Variants in SH3KBP1 observed in about 807,000 individuals in gnomAD.
The protein encoded by SH3KBP1 is SH3 domain containing kinase binding protein 1, also known as SH3 domain-containing kinase-binding protein 1.
SH3KBP1 carries 8 observed loss-of-function variants against 50.1 expected under a neutral mutation model. The observed-to-expected ratio is 0.16, with a 90% CI of 0.09 to 0.29. The LOEUF (loss-of-function observed/expected upper bound fraction) is 0.29, where lower values mean the gene tolerates loss of function less well. SH3KBP1 is among the 10% of genes least tolerant of loss of function. The pLI, the probability that SH3KBP1 is intolerant of heterozygous loss-of-function variation, is 1.00. For missense variants in SH3KBP1, 377 were observed against 535.2 expected (o/e 0.70, Z 2.92); for synonymous variants, 227 against 218.6 (o/e 1.04, Z -0.34).
At chrX:19,794,981 C>T (rs185372786) in intron 2 of SH3KBP1, among the ~76,000 whole-genome samples, 1 of 111,612 alleles carries the variant, frequency 9.0e-6, no homozygotes, top group African/African-American at 3.3e-5. Flanking sequence ...TCCCAAAGTC[C>T]CTGATTCAGG....
chrX:19,765,633 A>T (rs1422642909), intron 2 of SH3KBP1, among the ~76,000 whole-genome samples: 1 of 112,030 alleles, frequency 8.9e-6, no homozygotes, highest in African/African-American at 3.3e-5. Flanking sequence ...TGTTAAGTAC[A>T]GTCACATTGT....
chrX:19,862,682 T>A (rs888084242), intron 1 of SH3KBP1, among the ~76,000 whole-genome samples: 6 of 110,940 alleles, frequency 5.4e-5, no homozygotes, highest in African/African-American at 2.0e-4. Context: ...AAAATTTAAA[T>A]CCATGAATAG....
At chrX:19,817,198 T>G (rs1421904245) in intron 2 of SH3KBP1, among the ~76,000 whole-genome samples, 1 of 112,333 alleles carries the variant, frequency 8.9e-6, no homozygotes, top group African/African-American at 3.2e-5. Context: ...CTCATAAAAT[T>G]GGGTAGATTC....
intron 8 of SH3KBP1, among the ~76,000 whole-genome samples, chrX:19,630,631 CAG>C (rs1268888070): frequency 9.0e-6 from 1 of 111,665 alleles, no homozygotes; most frequent in Non-Finnish European, 1.9e-5. Flanking sequence ...ATCTGCAAAA[CAG>C]GGAATGATTT....
intron 8 of SH3KBP1, among the ~76,000 whole-genome samples, chrX:19,618,371 G>A (rs1014244520): frequency 2.3e-5 from 2 of 88,262 alleles, no homozygotes; most frequent in Non-Finnish European, 4.3e-5. Context: ...GTGACAGACT[G>A]CGAGACTCTG....
rs753186731 is a variant in SH3KBP1, at chrX:19,872,693, G to A, written c.4+14614C>T. ...CGGGAGGCTGAGGCAGGAGAATGGC[G>A]TGAACCCGGGAGGCGGAGCTTGCAG... On this transcript the variant is annotated intron_variant, in intron 1 of 17. Coordinates refer to ENST00000397821, the MANE Select transcript of SH3KBP1 (RefSeq NM_031892.3). 1.4e-4 allele frequency among the ~76,000 whole-genome samples: 15 copies of A among 109,081 alleles called. No individual in the cohort carries two copies. The South Asian group carries it at 1.6e-3, about 12-fold the overall frequency. 94.7% of individuals were successfully genotyped at this position (109,081 alleles called of 115,157 possible). A position where few individuals can be genotyped will look rare whatever the true frequency, so the allele number is the denominator to read the frequency against.
intron 9 of SH3KBP1, among the ~76,000 whole-genome samples, chrX:19,607,511 T>C (rs2067276604): frequency 8.9e-6 from 1 of 111,734 alleles, no homozygotes; most frequent in South Asian, 3.7e-4. Context: ...TGTAGAAAGA[T>C]TAACAGGCCT....
intron 8 of SH3KBP1, 61 bp from the exon 9 acceptor site, chrX:19,608,106 C>T (rs1406183457): frequency 5.2e-6 from 5 of 967,303 alleles, no homozygotes; most frequent in Non-Finnish European, 7.2e-6. Context: ...AGGGGTGTAA[C>T]CCCCCTCTTC....
At chrX:19,860,161 C>T (rs764213545) in intron 1 of SH3KBP1, among the ~76,000 whole-genome samples, 6 of 108,750 alleles carry the variant, frequency 5.5e-5, no homozygotes, top group African/African-American at 2.0e-4. Context: ...CCCGGCAACT[C>T]GGGAAGCTGG....
In SH3KBP1 at chrX:19,668,967, TATA is replaced by T. The variant is rs1470447473; in HGVS notation, c.726+14853_726+14855del. Among the ~76,000 whole-genome samples the T allele has an allele frequency of 1.0e-3, 51 of 50,458 alleles. 1 individual carries two copies. Among genetic ancestry groups the T allele is most frequent in the African/African-American group, 7.2e-3 (49 of 6,830 alleles). 43.8% of individuals were successfully genotyped at this position (50,458 alleles called of 115,157 possible). ...ATATATATATATATATATATATATA[TATA>T]TATATTTTTTGAGACAGGCTGTCAC... On this transcript the variant is annotated intron_variant, in intron 6 of 17. Transcript: ENST00000397821.
chrX:19,872,754 C>T (rs1202121278), intron 1 of SH3KBP1, among the ~76,000 whole-genome samples: 4 of 107,885 alleles, frequency 3.7e-5, no homozygotes, highest in African/African-American at 1.4e-4. Context: ...CCAGCCTGGG[C>T]GACAGAGCAA....
chrX:19,570,207 A>G (rs1179243291), intron 12 of SH3KBP1, among the ~76,000 whole-genome samples: 1 of 111,971 alleles, frequency 8.9e-6, no homozygotes, highest in Non-Finnish European at 1.9e-5. Context: ...AGCCAGCCAC[A>G]GGTACACATG....
intron 3 of SH3KBP1, among the ~76,000 whole-genome samples, chrX:19,710,598 T>C (rs1456131408): frequency 8.9e-6 from 1 of 111,854 alleles, no homozygotes; most frequent in Non-Finnish European, 1.9e-5. Context: ...TATTTTATTA[T>C]TAGTGTTTTA....
chrX:19,579,104 C>T (rs1229862159), intron 12 of SH3KBP1, among the ~76,000 whole-genome samples: 2 of 112,066 alleles, frequency 1.8e-5, no homozygotes, highest in African/African-American at 3.2e-5. Context: ...CCCTTTGCAT[C>T]GTGCGTCCTT....
chrX:19,705,609 C>G (rs1343947130), intron 4 of SH3KBP1, among the ~76,000 whole-genome samples: 1 of 111,317 alleles, frequency 9.0e-6, no homozygotes, highest in Non-Finnish European at 1.9e-5. Flanking sequence ...TTCCTGCATG[C>G]CCTCCCAGTG....
chrX:19,735,097 G>C (rs996735173), intron 3 of SH3KBP1, among the ~76,000 whole-genome samples: 9 of 112,184 alleles, frequency 8.0e-5, no homozygotes, highest in African/African-American at 2.6e-4. Context: ...CAGTGGGTGA[G>C]TTGTTCATAC....
chrX:19,706,982 C>T lies in SH3KBP1; in HGVS notation c.289G>A (p.Glu97Lys). The T allele has an allele frequency of 1.7e-6, 2 of 1,205,326 alleles. No individual in the cohort carries two copies. The highest frequency in any genetic ancestry group is 2.2e-6 in the Non-Finnish European group (2 of 889,632). The change falls in exon 4 of 18, where the codon GAG (glutamate) becomes AAG (lysine). Residue 97 changes from glutamate to lysine, a missense_variant and splice_region_variant. Glu to Lys is a moderately conservative substitution (Grantham distance 56, BLOSUM62 1). Transcript: ENST00000397821. ...ACCTGGCACCGGCGCCTCCGTCGCT[C>T]GCCTGGATGGGAAAAGCAAAATATT... ...ETILRTNKRG[E>K]RRRRRCQVAF...
At chrX:19,619,291 G>A (rs1200241761) in intron 8 of SH3KBP1, among the ~76,000 whole-genome samples, 2 of 110,778 alleles carry the variant, frequency 1.8e-5, no homozygotes, top group Non-Finnish European at 3.8e-5. Context: ...AAAACAAAAC[G>A]AAACAAAACA....
intron 9 of SH3KBP1, among the ~76,000 whole-genome samples, chrX:19,606,053 C>A (rs1051249977): frequency 5.4e-5 from 6 of 111,991 alleles, no homozygotes; most frequent in African/African-American, 1.9e-4. Context: ...ACAGTTTTAG[C>A]TAGAGTCTTC....
Sources: allele counts gnomAD v4.1 joint callset (sites outside exome capture counted in the v4.1 genomes callset), GRCh38; gene constraint gnomAD v4.1.1; transcripts MANE v1.5; gene names NCBI Gene and HGNC (gene_info 2026-07-23, HGNC 2026-07-21).